The following CABCOCO1 variants were observed in gnomAD, a reference collection of about 807,000 sequenced individuals.
CABCOCO1 encodes ciliary associated calcium binding coiled-coil 1, also known as ciliary-associated calcium-binding coiled-coil protein 1.
Under a neutral mutation model 35.7 loss-of-function variants are expected in CABCOCO1, and 28 were observed. The observed-to-expected ratio is 0.78, with a 90% CI of 0.58 to 1.07. The LOEUF (loss-of-function observed/expected upper bound fraction) is 1.07. CABCOCO1 is among the 50% of genes least tolerant of loss of function. The probability of loss-of-function intolerance (pLI) is 0.00; values close to 1 mark genes in which losing one functional copy is unlikely to be tolerated. For synonymous variants in CABCOCO1, 95 were observed against 100.1 expected (o/e 0.95, Z 0.30); for missense variants, 326 against 309.2 (o/e 1.05, Z -0.41).
chr10:61,727,648 T>C (rs530322560), intron 5 of CABCOCO1, among the ~76,000 whole-genome samples: 1 of 152,240 alleles, frequency 6.6e-6, no homozygotes, highest in African/African-American at 2.4e-5. Context: ...ATTTTCCTGA[T>C]AATTGTCATT....
At chr10:61,693,378 A>G (rs937902619) in intron 5 of CABCOCO1, among the ~76,000 whole-genome samples, 5 of 152,146 alleles carry the variant, frequency 3.3e-5, no homozygotes, top group Non-Finnish European at 7.4e-5. Flanking sequence ...CTGGGACCAA[A>G]TAATGGCCAC....
intron 5 of CABCOCO1, among the ~76,000 whole-genome samples, chr10:61,739,973 G>A (rs920792913): frequency 2.6e-5 from 4 of 152,144 alleles, no homozygotes; most frequent in African/African-American, 9.7e-5. Flanking sequence ...ATTTAACATA[G>A]AAGTTGGTAA....
chr10:61,721,024 A>C lies in CABCOCO1; in HGVS notation c.552+30403A>C, dbSNP rs1298467170. On this transcript the variant is annotated intron_variant, in intron 5 of 7. Transcript: ENST00000648843. ...ACTGCAAACTCCGCCTCCCGGGTTC[A>C]CGCCATTCTCCCGCCTCAGCCTCCT... Among the ~76,000 whole-genome samples, 4 of 141,668 alleles carry C rather than the reference A, an allele frequency of 2.8e-5. No homozygotes were observed. The East Asian group carries it at 8.4e-4, about 30-fold the overall frequency. The allele number at this position is 141,668 out of a possible 152,430, so 92.9% of individuals were successfully genotyped here.
chr10:61,761,519 A>G (rs1465971441), intron 7 of CABCOCO1, among the ~76,000 whole-genome samples: 1 of 152,116 alleles, frequency 6.6e-6, no homozygotes, highest in Non-Finnish European at 1.5e-5. Flanking sequence ...GCAGCTGCCA[A>G]TGATTTATTA....
At chr10:61,759,749 G>C (rs1348452484) in intron 5 of CABCOCO1, among the ~76,000 whole-genome samples, 1 of 151,994 alleles carries the variant, frequency 6.6e-6, no homozygotes, top group Non-Finnish European at 1.5e-5. Flanking sequence ...TCCACCTACA[G>C]AGGGCTTGTA....
intron 7 of CABCOCO1, 100 bp downstream of exon 7, chr10:61,761,103 C>A: frequency 1.6e-6 from 2 of 1,266,896 alleles, no homozygotes; most frequent in Non-Finnish European, 2.2e-6. Context: ...CCAGCATGAG[C>A]GATGCTTATG....
intron 5 of CABCOCO1, among the ~76,000 whole-genome samples, chr10:61,752,346 T>A (rs2132081960): frequency 8.1e-6 from 1 of 122,716 alleles, no homozygotes; most frequent in East Asian, 2.3e-4. Flanking sequence ...AATCACTAAG[T>A]GAGACTTTTT....
Position 61,681,243 on chromosome 10 carries a change from A to G in CABCOCO1, c.265A>G (p.Met89Val), listed in dbSNP as rs1317661350. The G allele has an allele frequency of 6.4e-7, 1 of 1,572,452 alleles. No individual in the cohort carries two copies. Among genetic ancestry groups the G allele is most frequent in the Non-Finnish European group, 8.7e-7 (1 of 1,152,988 alleles). The change falls in exon 3 of 8, where the codon ATG (methionine) becomes GTG (valine). Residue 89 changes from methionine to valine, a missense_variant. By Grantham distance (21) the Met-to-Val change is conservative (BLOSUM62 1). Transcript: ENST00000648843. Reference sequence around the variant, plus strand: ...ATCTGGATTTTTGTGGGCTAGAGGAATGGATTTCTCTATTATTCAGTATTC... The same window carrying G: ...ATCTGGATTTTTGTGGGCTAGAGGAGTGGATTTCTCTATTATTCAGTATTC... Reference protein sequence around the residue: ...YVSGFLWARGMDFSIIQYSKF... With the variant: ...YVSGFLWARGVDFSIIQYSKF...
intron 6 of CABCOCO1, 27 bp from the exon 7 acceptor site, chr10:61,760,835 CG>C: frequency 6.3e-7 from 1 of 1,593,580 alleles, no homozygotes; most frequent in Non-Finnish European, 8.5e-7. Flanking sequence ...AGAAATCACC[CG>C]AGTGCTATTT....
chr10:61,719,444 G>T (rs915863263), intron 5 of CABCOCO1, among the ~76,000 whole-genome samples: 1 of 151,240 alleles, frequency 6.6e-6, no homozygotes, highest in Admixed American at 6.6e-5. Flanking sequence ...GGTTACACAT[G>T]ATTAAAAAAA....
intron 5 of CABCOCO1, among the ~76,000 whole-genome samples, chr10:61,753,463 T>C (rs1007625780): frequency 6.6e-6 from 1 of 152,144 alleles, no homozygotes; most frequent in Non-Finnish European, 1.5e-5. Context: ...AGTACAATGC[T>C]GAATTTAGTA....
chr10:61,722,811 G>A (rs1841054538), intron 5 of CABCOCO1, among the ~76,000 whole-genome samples: 1 of 151,928 alleles, frequency 6.6e-6, no homozygotes, highest in Admixed American at 6.6e-5. Flanking sequence ...AAATGTGGTT[G>A]AAGGAGAAGT....
At chr10:61,667,468 T>C (rs1016856108) in intron 1 of CABCOCO1, among the ~76,000 whole-genome samples, 12 of 151,504 alleles carry the variant, frequency 7.9e-5, no homozygotes, top group Admixed American at 3.3e-4. Flanking sequence ...AATCATCTCA[T>C]TGGGGTTTGA....
At chr10:61,714,399 C>A (rs1182230576) in intron 5 of CABCOCO1, among the ~76,000 whole-genome samples, 1 of 152,062 alleles carries the variant, frequency 6.6e-6, no homozygotes, top group African/African-American at 2.4e-5. Context: ...ATTCTTCTCT[C>A]TTTTCTTCTT....
Position 61,690,594 on chromosome 10 carries a change from C to T in CABCOCO1, c.525C>T (p.Ala175=). The T allele has an allele frequency of 1.2e-6, 2 of 1,605,626 alleles. No homozygotes were observed. Among genetic ancestry groups the T allele is most frequent in the South Asian group, 1.1e-5 (1 of 90,640 alleles). The part of the protein sequence containing the change: ...YKLYEFMFYS[A]REEIVIGTEQ... ...TATACGAGTTTATGTTCTACTCTGCCAGGGAAGAAATTGTGATAGGAACTG... is the reference window on the plus strand; with the variant it reads ...TATACGAGTTTATGTTCTACTCTGCTAGGGAAGAAATTGTGATAGGAACTG... Residue 175 remains alanine (A), a synonymous_variant, in exon 5 of 8, where the codon GCC becomes GCT. Transcript: ENST00000648843.
chr10:61,731,831 A>G (rs760076009), intron 5 of CABCOCO1, among the ~76,000 whole-genome samples: 5 of 151,814 alleles, frequency 3.3e-5, no homozygotes, highest in Non-Finnish European at 5.9e-5. Flanking sequence ...GAGATCTTTT[A>G]GTACCTCAAA....
intron 5 of CABCOCO1, among the ~76,000 whole-genome samples, chr10:61,704,900 C>T (rs954030988): frequency 2.5e-4 from 37 of 151,002 alleles, no homozygotes; most frequent in East Asian, 1.9e-3. Flanking sequence ...CTCAGAAAAG[C>T]CCCCTTGGAT....
intron 5 of CABCOCO1, among the ~76,000 whole-genome samples, chr10:61,747,532 T>C (rs1468879658): frequency 1.3e-5 from 2 of 152,194 alleles, no homozygotes; most frequent in African/African-American, 4.8e-5. Flanking sequence ...TTGTAGATTG[T>C]ATAATTAGAT....
rs1369977835 is a variant in CABCOCO1 at position 61,713,364 on chromosome 10, A to AT, written c.552+22744dup. Among the ~76,000 whole-genome samples, 289 of 152,328 alleles carry AT rather than the reference A, an allele frequency of 1.9e-3. 5 individuals are homozygous for AT. The highest frequency in any genetic ancestry group is 3.1e-3 in the East Asian group (16 of 5,192). ...ATTGATTTTTGCACATTGATTTTGT[A>AT]TCCTGAGACTTTGCTGAAGTTGCTA... On this transcript the variant is annotated intron_variant, in intron 5 of 7. Transcript: ENST00000648843.
Sources: gnomAD v4.1 joint callset for allele counts (sites outside exome capture counted in the v4.1 genomes callset) on GRCh38, gnomAD v4.1.1 for gene constraint, MANE v1.5 for transcripts, NCBI Gene and HGNC (gene_info 2026-07-23, HGNC 2026-07-21) for gene names.